Variants in PRKACB observed in about 807,000 individuals in gnomAD.
PRKACB encodes protein kinase cAMP-activated catalytic subunit beta.
A neutral mutation model predicts 51.4 loss-of-function variants in PRKACB; 16 were observed. The observed-to-expected ratio is 0.31, with a 90% confidence interval of 0.21 to 0.47. The LOEUF (loss-of-function observed/expected upper bound fraction) is 0.47, where lower values mean the gene tolerates loss of function less well. Among genes scored for constraint, PRKACB ranks in the 20% least tolerant of loss-of-function variants. The pLI, the probability that PRKACB is intolerant of heterozygous loss-of-function variation, is 1.00. For missense variants in PRKACB, 309 were observed against 464.5 expected, an observed-to-expected ratio of 0.67 and a Z score of 3.08; for synonymous variants, 147 against 154.4, an observed-to-expected ratio of 0.95 and a Z score of 0.35.
chr1:84,129,341 T>A (rs1378261980), intron 1 of PRKACB, among the ~76,000 whole-genome samples: 1 of 152,134 alleles, frequency 6.6e-6, no homozygotes, highest in African/African-American at 2.4e-5. Flanking sequence ...GTTTATGTAT[T>A]TGAAAATATA....
Position 84,101,398 on chromosome 1 carries a change from A to G in PRKACB, c.46+23027A>G, listed in dbSNP as rs148107395. On this transcript the variant is annotated intron_variant, in intron 1 of 8. Coordinates refer to the PRKACB transcript ENST00000370688. Reference sequence around the variant, plus strand: ...ATACCTTCACAGCAACACCTAGATCAGTGTTGAATAACTAACGACTATACC... The same window carrying G: ...ATACCTTCACAGCAACACCTAGATCGGTGTTGAATAACTAACGACTATACC... Among the ~76,000 whole-genome samples the G allele has an allele frequency of 7.2e-4, 110 of 152,204 alleles. 1 individual carries two copies. Among genetic ancestry groups the G allele is most frequent in the African/African-American group, 2.4e-3 (101 of 41,544 alleles).
chr1:84,204,698 C>A, intron 8 of PRKACB: 1 of 984,392 alleles, frequency 1.0e-6, no homozygotes, highest in Non-Finnish European at 1.3e-6. Context: ...TGTTTCAAAT[C>A]ATTTAATTGA....
chr1:84,085,520 A>G (rs1313064381), intron 1 of PRKACB, among the ~76,000 whole-genome samples: 1 of 152,250 alleles, frequency 6.6e-6, no homozygotes, highest in Non-Finnish European at 1.5e-5. Context: ...AAGAAAAAAT[A>G]CACAGGAAGC....
rs539702047 is a variant in PRKACB at position 84,236,228 on chromosome 1, A to G, written c.*923A>G. The stretch of plus-strand genomic sequence containing the variant: ...AATTTTCTCTAATAGTCCTCATCAT[A>G]AACTTTTTAAAGGAAAATAAGCAAA... On this transcript the variant is annotated 3_prime_UTR_variant, in exon 10 of 10. Coordinates refer to ENST00000370685, the MANE Select transcript of PRKACB (RefSeq NM_182948.4). The G allele has an allele frequency of 3.3e-5, 5 of 152,798 alleles. No individual in the cohort carries two copies. The highest frequency in any genetic ancestry group is 1.2e-4 in the African/African-American group (5 of 41,592). The allele number at this position is 152,798 out of a possible 1,614,324, so 9.5% of individuals were successfully genotyped here.
chr1:84,175,040 C>T, intron 1 of PRKACB: 2 of 1,467,198 alleles, frequency 1.4e-6, no homozygotes, highest in Non-Finnish European at 1.8e-6. Context: ...AAGCTTGCTC[C>T]TCTTCAGAAA....
chr1:84,121,897 C>T (rs1651109315), intron 1 of PRKACB, among the ~76,000 whole-genome samples: 2 of 152,082 alleles, frequency 1.3e-5, no homozygotes, highest in African/African-American at 4.8e-5. Flanking sequence ...CCCTGCTATT[C>T]CAAGTTGAGC....
upstream of PRKACB, among the ~76,000 whole-genome samples, chr1:84,139,841 G>A (rs959389300): frequency 6.6e-6 from 1 of 152,136 alleles, no homozygotes; most frequent in African/African-American, 2.4e-5. Context: ...GGCGGATCAC[G>A]AGGTCAGGAG....
intron 1 of PRKACB, among the ~76,000 whole-genome samples, chr1:84,145,861 G>A (rs933816674): frequency 6.6e-6 from 1 of 151,802 alleles, no homozygotes; most frequent in Non-Finnish European, 1.5e-5. Context: ...TTATTTTTAT[G>A]CATTTCAAGT....
intron 5 of PRKACB, among the ~76,000 whole-genome samples, chr1:84,187,859 G>A (rs1307766545): frequency 6.6e-6 from 1 of 152,096 alleles, no homozygotes; most frequent in Non-Finnish European, 1.5e-5. Flanking sequence ...ACAGTCTTGA[G>A]GTTCCTGGTC....
intron 1 of PRKACB, among the ~76,000 whole-genome samples, chr1:84,087,649 G>T (rs1366885815): frequency 6.6e-6 from 1 of 152,054 alleles, no homozygotes; most frequent in Non-Finnish European, 1.5e-5. Context: ...CTGCGTAGCT[G>T]GGACTGCAGG....
intron 1 of PRKACB, among the ~76,000 whole-genome samples, chr1:84,165,578 A>G (rs1371283729): frequency 6.6e-6 from 1 of 151,854 alleles, no homozygotes; most frequent in Admixed American, 6.6e-5. Flanking sequence ...TTTTTAATAA[A>G]CAGTTTTTGG....
At chr1:84,206,024 A>G (rs1671287576) in intron 8 of PRKACB, among the ~76,000 whole-genome samples, 1 of 152,060 alleles carries the variant, frequency 6.6e-6, no homozygotes, top group African/African-American at 2.4e-5. Flanking sequence ...TCTCTATAGC[A>G]CCTTTGTCTG....
chr1:84,135,784 A>G (rs900461636), intron 1 of PRKACB, among the ~76,000 whole-genome samples: 4 of 152,112 alleles, frequency 2.6e-5, no homozygotes, highest in Non-Finnish European at 5.9e-5. Flanking sequence ...GGAAATTTAT[A>G]GCCTTAAATG....
intron 1 of PRKACB, among the ~76,000 whole-genome samples, chr1:84,130,566 A>G (rs980548437): frequency 2.6e-5 from 4 of 152,220 alleles, no homozygotes; most frequent in Non-Finnish European, 4.4e-5. Flanking sequence ...CTTTGAAATC[A>G]CAGTAGAAGA....
chr1:84,082,544 C>T (rs1647625581), intron 1 of PRKACB, among the ~76,000 whole-genome samples: 1 of 151,766 alleles, frequency 6.6e-6, no homozygotes, highest in Admixed American at 6.6e-5. Context: ...TCCCTTCTTG[C>T]CCAATAGTTG....
rs763114479 is a variant in PRKACB at position 84,185,200 on chromosome 1, T to C, written c.560+18T>C. ...AGGTTCAGGTAACTAATGGTTTTGCTTTCTTCAAATCTTTATATGCTTGTG... is the reference window on the plus strand; with the variant it reads ...AGGTTCAGGTAACTAATGGTTTTGCCTTCTTCAAATCTTTATATGCTTGTG... On this transcript the variant is annotated intron_variant, in intron 5 of 9. Transcript: ENST00000370685. 6 of 1,471,082 alleles carry C rather than the reference T, an allele frequency of 4.1e-6. No homozygotes were observed. Among genetic ancestry groups the C allele is most frequent in the Non-Finnish European group, 5.5e-6 (6 of 1,099,072 alleles). 91.1% of individuals were successfully genotyped at this position (1,471,082 alleles called of 1,614,324 possible). A position where few individuals can be genotyped will look rare whatever the true frequency, so the allele number is the denominator to read the frequency against.
chr1:84,128,125 C>T (rs1651815148), intron 1 of PRKACB, among the ~76,000 whole-genome samples: 1 of 149,870 alleles, frequency 6.7e-6, no homozygotes, highest in South Asian at 2.1e-4. Flanking sequence ...TCTCCTGCCT[C>T]AGCTTCCTGA....
chr1:84,179,001 A>C, intron 1 of PRKACB, 176 bp from the exon 2 acceptor site: 1 of 604,618 alleles, frequency 1.7e-6, no homozygotes, highest in Non-Finnish European at 2.5e-6. Flanking sequence ...GAGATTTGAG[A>C]AGGTTCTTAG....
intron 9 of PRKACB, among the ~76,000 whole-genome samples, chr1:84,228,890 C>G (rs1342364605): frequency 6.6e-6 from 1 of 151,320 alleles, no homozygotes; most frequent in Non-Finnish European, 1.5e-5. Context: ...CCTTAGGAGC[C>G]AGGATTTTGA....
Sources: gnomAD v4.1 joint callset for allele counts (sites outside exome capture counted in the v4.1 genomes callset) on GRCh38, gnomAD v4.1.1 for gene constraint, MANE v1.5 for transcripts, NCBI Gene and HGNC (gene_info 2026-07-23, HGNC 2026-07-21) for gene names.